The following EFCAB8 variants were observed in gnomAD, a reference collection of about 807,000 sequenced individuals.
The protein encoded by EFCAB8 is EF-hand calcium-binding domain-containing protein 8.
A neutral mutation model predicts 116.3 loss-of-function variants in EFCAB8; 100 were observed. The observed-to-expected ratio is 0.86, with a 90% CI of 0.73 to 1.02. The LOEUF (loss-of-function observed/expected upper bound fraction) is 1.02, where lower values mean the gene tolerates loss of function less well. Among genes scored for constraint, EFCAB8 ranks in the 50% least tolerant of loss-of-function variants. The pLI, the probability that EFCAB8 is intolerant of heterozygous loss-of-function variation, is 0.00. For missense variants in EFCAB8, 1,320 were observed against 1,416.9 expected (o/e 0.93, Z 1.10); for synonymous variants, 558 against 567.9 (o/e 0.98, Z 0.25).
Position 32,931,170 on chromosome 20 carries a change from AT to A in EFCAB8, c.2632-7del. The A allele has an allele frequency of 6.5e-7, 1 of 1,532,680 alleles. No homozygotes were observed. The highest frequency in any genetic ancestry group is 8.8e-7 in the Non-Finnish European group (1 of 1,138,010). The allele number at this position is 1,532,680 out of a possible 1,614,324, so 94.9% of individuals were successfully genotyped here. ...GTGTGAGGCCACTAACCCACACTTTATGTCTAGATCTGGGACATCAAGGATT... is the reference window on the plus strand; with the variant it reads ...GTGTGAGGCCACTAACCCACACTTTAGTCTAGATCTGGGACATCAAGGATT... On this transcript the variant is annotated splice_region_variant and splice_polypyrimidine_tract_variant and intron_variant, in intron 21 of 26. Coordinates refer to ENST00000400522, the MANE Select transcript of EFCAB8 (RefSeq NM_001143967.2).
At chr20:32,938,254 T>A (rs1298631453) in intron 22 of EFCAB8, among the ~76,000 whole-genome samples, 2 of 149,976 alleles carry the variant, frequency 1.3e-5, no homozygotes, top group Admixed American at 1.3e-4. Context: ...TTTAACAAAA[T>A]TGAACACCGT....
chr20:32,910,526 G>A (rs184465471), intron 15 of EFCAB8, among the ~76,000 whole-genome samples: 70 of 152,166 alleles, frequency 4.6e-4, no homozygotes, highest in African/African-American at 1.5e-3. Context: ...GGACAGGTGC[G>A]CCGCATCGGC....
chr20:32,912,988 T>C (rs1987014658), intron 17 of EFCAB8, 124 bp downstream of exon 17: 1 of 638,156 alleles, frequency 1.6e-6, no homozygotes, highest in Non-Finnish European at 2.9e-6. Context: ...TGGTGGTTAA[T>C]GACTATTGCT....
At chr20:32,883,638 C>T (rs956188994) in intron 5 of EFCAB8, among the ~76,000 whole-genome samples, 4 of 152,244 alleles carry the variant, frequency 2.6e-5, no homozygotes, top group Middle Eastern at 6.8e-3. Flanking sequence ...AAATACATAA[C>T]TGTACATTTT....
chr20:32,909,144 C>A (rs534557652), intron 14 of EFCAB8, among the ~76,000 whole-genome samples: 20 of 152,332 alleles, frequency 1.3e-4, no homozygotes, highest in African/African-American at 4.8e-4. Flanking sequence ...GGCTGGGCCA[C>A]CCTGGTCGGT....
chr20:32,867,637 C>T lies in EFCAB8; in HGVS notation c.98C>T (p.Ser33Phe). Reference sequence around the variant, plus strand: ...GAGGCTGCTAGCTCCCCAACACCATCCATCACCCTTAGCCAGGTGCCTGAC... The same window carrying T: ...GAGGCTGCTAGCTCCCCAACACCATTCATCACCCTTAGCCAGGTGCCTGAC... ...NKEAASSPTP[S>F]ITLSQVPDLQ... The change falls in exon 3 of 27, where the codon TCC becomes TTC. Residue 33 changes from serine to phenylalanine, a missense_variant. Coordinates refer to ENST00000400522, the MANE Select transcript of EFCAB8 (RefSeq NM_001143967.2). 2 of 1,551,704 alleles carry T rather than the reference C, an allele frequency of 1.3e-6. No individual in the cohort carries two copies. Among genetic ancestry groups the T allele is most frequent in the Non-Finnish European group, 1.7e-6 (2 of 1,147,000 alleles).
At chr20:32,909,761 C>T (rs1600412587) in intron 14 of EFCAB8, 60 bp from the exon 15 acceptor site, 2 of 888,522 alleles carry the variant, frequency 2.3e-6, no homozygotes, top group Middle Eastern at 4.8e-4. Flanking sequence ...CCCGGCAGCC[C>T]ATCACTGTGA....
chr20:32,900,571 AT>A (rs1442627681), intron 11 of EFCAB8, among the ~76,000 whole-genome samples: 5 of 141,692 alleles, frequency 3.5e-5, no homozygotes, highest in East Asian at 2.1e-4. Flanking sequence ...TATTATTTTT[AT>A]TTTTTGTTTT....
chr20:32,899,984 T>C (rs1053215251), intron 11 of EFCAB8, among the ~76,000 whole-genome samples: 1 of 152,178 alleles, frequency 6.6e-6, no homozygotes, highest in Non-Finnish European at 1.5e-5. Flanking sequence ...CCCCTGCAGT[T>C]TTCCTCCGGC....
intron 2 of EFCAB8, among the ~76,000 whole-genome samples, chr20:32,864,514 C>G (rs533864313): frequency 6.6e-6 from 1 of 151,980 alleles, no homozygotes; most frequent in Non-Finnish European, 1.5e-5. Flanking sequence ...CCTGGGATGT[C>G]GAGGCTACAG....
At chr20:32,959,563 G>C (rs1051264992) in intron 24 of EFCAB8, among the ~76,000 whole-genome samples, 2 of 152,176 alleles carry the variant, frequency 1.3e-5, no homozygotes, top group African/African-American at 4.8e-5. Context: ...CAGAGTGGTG[G>C]GAGAGTGGCA....
intron 23 of EFCAB8, 113 bp downstream of exon 23, chr20:32,943,917 A>G: frequency 2.5e-6 from 1 of 407,756 alleles, no homozygotes; most frequent in Non-Finnish European, 4.4e-6. Flanking sequence ...CTCAGGCCAC[A>G]GCAACTGCCT....
chr20:32,911,434 G>A, intron 15 of EFCAB8, 46 bp from the exon 16 acceptor site: 2 of 1,429,012 alleles, frequency 1.4e-6, no homozygotes, highest in Non-Finnish European at 1.8e-6. Flanking sequence ...CTTGGGAGTG[G>A]AGGCCCCGGC....
intron 4 of EFCAB8, among the ~76,000 whole-genome samples, chr20:32,877,207 C>CTT (rs757130907): frequency 4.7e-4 from 54 of 115,048 alleles, no homozygotes; most frequent in African/African-American, 9.4e-4. Context: ...TTATTTCTTT[C>CTT]TTTTTTTTTT....
At chr20:32,949,402 A>G (rs1216410444) in intron 23 of EFCAB8, among the ~76,000 whole-genome samples, 1 of 152,252 alleles carries the variant, frequency 6.6e-6, no homozygotes, top group Non-Finnish European at 1.5e-5. Context: ...ATTTTTGTAG[A>G]AATTGACACA....
rs1264833849 is a variant in EFCAB8 at position 32,961,428 on chromosome 20, T to C, written c.3686T>C (p.Leu1229Pro). The C allele has an allele frequency of 1.2e-5, 17 of 1,457,342 alleles. No individual in the cohort carries two copies. The highest frequency in any genetic ancestry group is 1.4e-5 in the African/African-American group (1 of 69,786). 90.3% of individuals were successfully genotyped at this position (1,457,342 alleles called of 1,614,324 possible). ...TFLTPQFSFLLRPQSASTAHS... is the reference protein window; with the variant it reads ...TFLTPQFSFLPRPQSASTAHS... ...CTGACGCCCCAGTTCTCCTTCTTGC[T>C]GCGGCCCCAGTCAGCCTCCACAGCC... is the stretch of plus-strand genomic sequence containing the variant. Residue 1229 changes from leucine to proline, a missense_variant, in exon 27 of 27, where the codon CTG becomes CCG. By Grantham distance (98) the Leu-to-Pro change is moderately conservative. Coordinates refer to ENST00000400522, the MANE Select transcript of EFCAB8 (RefSeq NM_001143967.2).
chr20:32,902,818 T>C (rs1467795), intron 11 of EFCAB8, among the ~76,000 whole-genome samples: 101,183 of 152,092 alleles, frequency 0.67, 34,366 homozygotes, highest in Middle Eastern at 0.81. Context: ...TCTGGCTTCC[T>C]TGCAGCCAGC....
chr20:32,927,155 AGT>A (rs930478338), intron 20 of EFCAB8, among the ~76,000 whole-genome samples: 4 of 152,198 alleles, frequency 2.6e-5, no homozygotes, highest in Non-Finnish European at 4.4e-5. Flanking sequence ...ATGAGAAAAA[AGT>A]GTCAACAAAT....
intron 11 of EFCAB8, 40 bp downstream of exon 11, chr20:32,898,663 G>A (rs1487484700): frequency 1.4e-6 from 1 of 712,668 alleles, no homozygotes. Context: ...GGTGGGGCTG[G>A]AAGGGAGGGG....
Sources: gnomAD v4.1 joint callset for allele counts (sites outside exome capture counted in the v4.1 genomes callset) on GRCh38, gnomAD v4.1.1 for gene constraint, MANE v1.5 for transcripts, NCBI Gene and HGNC (gene_info 2026-07-23, HGNC 2026-07-21) for gene names.